AOPEP: variants seen among roughly 807,000 people sequenced by gnomAD.
The protein encoded by AOPEP is aminopeptidase O (putative).
A neutral mutation model predicts 98.1 loss-of-function variants in AOPEP; 77 were observed. The observed-to-expected ratio is 0.78, with a 90% CI of 0.65 to 0.95. The LOEUF is 0.95. Ranked by LOEUF, AOPEP falls within the 40% of genes least tolerant of loss-of-function variation. The pLI, the probability that AOPEP is intolerant of heterozygous loss-of-function variation, is 0.00. For missense variants in AOPEP, 1,024 were observed against 1,024.7 expected (o/e 1.00, Z 0.01); for synonymous variants, 346 against 365.3 (o/e 0.95, Z 0.60).
chr9:95,103,513 C>T, the AOPEP span, among the ~76,000 whole-genome samples: 1 of 152,180 alleles, frequency 6.6e-6, no homozygotes, highest in Admixed American at 6.5e-5. Context: ...GGTGGAGCCC[C>T]AGGGGTGGAC....
chr9:94,799,290 C>G (rs546998651), intron 4 of AOPEP, among the ~76,000 whole-genome samples: 63 of 152,204 alleles, frequency 4.1e-4, no homozygotes, highest in African/African-American at 1.4e-3. Flanking sequence ...TGCAGTGGCT[C>G]ATGCCTATGA....
rs562400611 is a variant in AOPEP at position 94,955,832 on chromosome 9, T to TA, written c.1765-75dup. 1.9e-4 allele frequency: 185 copies of TA among 963,734 alleles called. No homozygotes were observed. In the African/African-American group the frequency reaches 2.5e-3, roughly 13 times the overall value. The allele number at this position is 963,734 out of a possible 1,614,324, so 59.7% of individuals were successfully genotyped here. ...ATGCACAAGTGCACTATGGGTTAGGTAGGGCTGACTATATAACCATTTTTT... is the reference window on the plus strand; with the variant it reads ...ATGCACAAGTGCACTATGGGTTAGGTAAGGGCTGACTATATAACCATTTTTT... On this transcript the variant is annotated intron_variant, in intron 8 of 16. Transcript: ENST00000375315.
intron 2 of AOPEP, among the ~76,000 whole-genome samples, chr9:94,766,599 CATT>C (rs1839684633): frequency 6.6e-6 from 1 of 152,150 alleles, no homozygotes; most frequent in African/African-American, 2.4e-5. Context: ...TCGTTAGAAT[CATT>C]ATAATAGTTG....
At chr9:94,780,623 G>C (rs1843041509) in intron 3 of AOPEP, among the ~76,000 whole-genome samples, 1 of 152,220 alleles carries the variant, frequency 6.6e-6, no homozygotes, top group Non-Finnish European at 1.5e-5. Context: ...TCTGAGGATG[G>C]AATAATGTCT....
chr9:94,931,823 TCTC>T, intron 7 of AOPEP: 5 of 1,539,430 alleles, frequency 3.2e-6, no homozygotes, highest in Non-Finnish European at 4.4e-6. Flanking sequence ...TAAAGCACTT[TCTC>T]CTCCTGGCTT....
intron 5 of AOPEP, among the ~76,000 whole-genome samples, chr9:94,876,353 T>TTTTTC (rs1464503784): frequency 2.0e-5 from 3 of 151,662 alleles, no homozygotes; most frequent in Admixed American, 6.6e-5. Context: ...CATCAGTTGC[T>TTTTTC]TTTTCTTTTC....
At chr9:95,045,154 T>C (rs576540453) in intron 13 of AOPEP, among the ~76,000 whole-genome samples, 5 of 152,278 alleles carry the variant, frequency 3.3e-5, no homozygotes, top group African/African-American at 1.2e-4. Context: ...CTGGTCCGGG[T>C]TACTCTCCAG....
intron 5 of AOPEP, among the ~76,000 whole-genome samples, chr9:94,913,357 G>T (rs1000999320): frequency 3.3e-5 from 5 of 152,098 alleles, no homozygotes; most frequent in Admixed American, 2.0e-4. Context: ...CCTTTCAGAG[G>T]GACATGCTGT....
intron 1 of AOPEP, among the ~76,000 whole-genome samples, chr9:94,751,040 C>T (rs368698907): frequency 6.6e-6 from 1 of 152,030 alleles, no homozygotes; most frequent in South Asian, 2.1e-4. Flanking sequence ...AGCCACCGCA[C>T]CTGGCCAAAG....
chr9:95,037,212 T>G (rs1339897223), intron 13 of AOPEP, among the ~76,000 whole-genome samples: 1 of 152,180 alleles, frequency 6.6e-6, no homozygotes, highest in Non-Finnish European at 1.5e-5. Context: ...TTACCTCACC[T>G]TTTAGCCTTT....
the AOPEP span, chr9:95,110,881 T>C: frequency 8.1e-7 from 1 of 1,233,300 alleles, no homozygotes; most frequent in Non-Finnish European, 1.0e-6. Context: ...CAGACAGTTA[T>C]CCAGTCCCAT....
chr9:94,997,685 T>C (rs1478273098), intron 11 of AOPEP, among the ~76,000 whole-genome samples: 1 of 152,154 alleles, frequency 6.6e-6, no homozygotes, highest in Non-Finnish European at 1.5e-5. Context: ...TCATTTTATA[T>C]TTCACCTGTG....
intron 11 of AOPEP, among the ~76,000 whole-genome samples, chr9:94,986,166 C>T (rs1377896972): frequency 6.6e-6 from 1 of 152,152 alleles, no homozygotes; most frequent in African/African-American, 2.4e-5. Flanking sequence ...AGGCCTCTCT[C>T]CTCGGCTTGT....
At chr9:94,885,006 C>A in intron 5 of AOPEP, among the ~76,000 whole-genome samples, 1 of 81,634 alleles carries the variant, frequency 1.2e-5, no homozygotes, top group African/African-American at 5.0e-5. Flanking sequence ...GAGACTCCGT[C>A]TCAAAAAAAA....
chr9:94,857,772 C>G (rs1383713223), intron 5 of AOPEP, among the ~76,000 whole-genome samples: 1 of 152,128 alleles, frequency 6.6e-6, no homozygotes, highest in Non-Finnish European at 1.5e-5. Flanking sequence ...GATTATTTAG[C>G]TATTTTAAAG....
chr9:94,981,040 G>A (rs1295708994), intron 11 of AOPEP, among the ~76,000 whole-genome samples: 1 of 152,204 alleles, frequency 6.6e-6, no homozygotes, highest in Non-Finnish European at 1.5e-5. Context: ...TCCTGGCCTG[G>A]AACAAGAAGG....
intron 5 of AOPEP, among the ~76,000 whole-genome samples, chr9:94,898,547 C>A (rs537145873): frequency 2.6e-5 from 4 of 151,610 alleles, no homozygotes; most frequent in Non-Finnish European, 1.5e-5. Context: ...GCAGGAGAAT[C>A]GCTTGAACCC....
chr9:94,929,436 G>A (rs2054927562), intron 7 of AOPEP, among the ~76,000 whole-genome samples: 1 of 152,254 alleles, frequency 6.6e-6, no homozygotes, highest in African/African-American at 2.4e-5. Flanking sequence ...CCCAGGGAGG[G>A]AGCTGGCTGG....
rs2054605568 is a variant in AOPEP, at chr9:94,927,919, C to T, written c.1555-506C>T. ...ACTCAGTAGGGCAGAGTGTGATGGCCTCCCCTCCCCCAGAGTGAGTCCAGG... is the reference window on the plus strand; with the variant it reads ...ACTCAGTAGGGCAGAGTGTGATGGCTTCCCCTCCCCCAGAGTGAGTCCAGG... On this transcript the variant is annotated intron_variant, in intron 6 of 16. Coordinates refer to ENST00000375315, the MANE Select transcript of AOPEP (RefSeq NM_001193329.3). 2.0e-5 allele frequency among the ~76,000 whole-genome samples: 3 copies of T among 152,160 alleles called. No homozygotes were observed. The South Asian group carries it at 6.2e-4, about 32-fold the overall frequency.
Sources: allele counts gnomAD v4.1 joint callset (sites outside exome capture counted in the v4.1 genomes callset), GRCh38; gene constraint gnomAD v4.1.1; transcripts MANE v1.5; gene names NCBI Gene and HGNC (gene_info 2026-07-23, HGNC 2026-07-21).